The following OSBPL6 variants were observed in gnomAD, a reference collection of about 807,000 sequenced individuals.
The protein encoded by OSBPL6 is oxysterol-binding protein-related protein 6.
Under a neutral mutation model 125.8 loss-of-function variants are expected in OSBPL6, and 49 were observed. That is an observed-to-expected ratio of 0.39 (90% CI 0.31 to 0.49). The LOEUF (loss-of-function observed/expected upper bound fraction) is 0.49, where lower values mean the gene tolerates loss of function less well. Among genes scored for constraint, OSBPL6 ranks in the 20% least tolerant of loss-of-function variants. OSBPL6 has a pLI of 0.88. For missense variants in OSBPL6, 986 were observed against 1,135.4 expected, an observed-to-expected ratio of 0.87 and a Z score of 1.89; for synonymous variants, 394 against 391.8, an observed-to-expected ratio of 1.01 and a Z score of -0.07.
At chr2:178,213,333 A>G (rs2089951098) in intron 1 of OSBPL6, among the ~76,000 whole-genome samples, 1 of 152,020 alleles carries the variant, frequency 6.6e-6, no homozygotes. Context: ...TGGTTATCTT[A>G]CAGGAATTAC....
At chr2:178,295,798 T>TA (rs956725520) in intron 2 of OSBPL6, among the ~76,000 whole-genome samples, 2 of 151,948 alleles carry the variant, frequency 1.3e-5, no homozygotes, top group African/African-American at 4.8e-5. Context: ...TTAATTATAA[T>TA]AAAAAATTAA....
chr2:178,238,686 A>T (rs1376598791), intron 1 of OSBPL6, among the ~76,000 whole-genome samples: 1 of 152,192 alleles, frequency 6.6e-6, no homozygotes, highest in African/African-American at 2.4e-5. Flanking sequence ...ATGCTTAGTT[A>T]AGACAGAAAA....
At chr2:178,378,935 G>A (rs1467946055) in intron 15 of OSBPL6, among the ~76,000 whole-genome samples, 1 of 152,148 alleles carries the variant, frequency 6.6e-6, no homozygotes, top group Non-Finnish European at 1.5e-5. Context: ...GGAGGCAGAG[G>A]CAGGATGATT....
intron 1 of OSBPL6, among the ~76,000 whole-genome samples, chr2:178,240,431 C>T (rs1333022066): frequency 6.6e-6 from 1 of 151,950 alleles, no homozygotes; most frequent in East Asian, 1.9e-4. Flanking sequence ...TAGCCAGGCA[C>T]GGTGGTGCAC....
chr2:178,298,021 C>T (rs954391522), intron 2 of OSBPL6, among the ~76,000 whole-genome samples: 6 of 152,204 alleles, frequency 3.9e-5, no homozygotes, highest in Non-Finnish European at 8.8e-5. Flanking sequence ...CTTCCCATTT[C>T]CTCCTCCTTA....
At chr2:178,283,181 G>T (rs1684379567) in intron 1 of OSBPL6, among the ~76,000 whole-genome samples, 6 of 152,100 alleles carry the variant, frequency 3.9e-5, no homozygotes, top group Admixed American at 3.9e-4. Flanking sequence ...CAACACAGTA[G>T]AATTTTTTTT....
chr2:178,242,439 C>T (rs2091328809), intron 1 of OSBPL6, among the ~76,000 whole-genome samples: 2 of 152,122 alleles, frequency 1.3e-5, no homozygotes, highest in African/African-American at 2.4e-5. Context: ...CCTCCTTTCC[C>T]AGTGAATCAG....
At chr2:178,228,832 T>G (rs1378760122) in intron 1 of OSBPL6, among the ~76,000 whole-genome samples, 2 of 152,234 alleles carry the variant, frequency 1.3e-5, no homozygotes, top group Non-Finnish European at 2.9e-5. Flanking sequence ...ATAAAATTTA[T>G]AGTTGAAAAA....
Position 178,269,999 on chromosome 2 carries a change from C to T in OSBPL6, c.-350-14928C>T, listed in dbSNP as rs1384843363. On this transcript the variant is annotated intron_variant, in intron 1 of 24. Transcript: ENST00000190611. ...TACTGCTGCAGAATGTCAGGCAGGG[C>T]GGACGATAACACACTGGCTTGTTCA... is the stretch of plus-strand genomic sequence containing the variant. 2.6e-5 allele frequency among the ~76,000 whole-genome samples: 4 copies of T among 152,164 alleles called. No homozygotes were observed. The South Asian group carries it at 6.2e-4, about 24-fold the overall frequency.
At chr2:178,223,539 GA>G (rs1214847255) in intron 1 of OSBPL6, among the ~76,000 whole-genome samples, 1 of 152,168 alleles carries the variant, frequency 6.6e-6, no homozygotes. Flanking sequence ...TACAATTAAG[GA>G]AATTGTAAAA....
At chr2:178,238,914 C>T (rs994167426) in intron 1 of OSBPL6, among the ~76,000 whole-genome samples, 11 of 152,194 alleles carry the variant, frequency 7.2e-5, no homozygotes, top group African/African-American at 1.2e-4. Context: ...TCCCCTCTCC[C>T]GCCTGTTAAC....
At chr2:178,394,509 A>T in intron 24 of OSBPL6, 74 bp downstream of exon 24, 1 of 1,486,602 alleles carries the variant, frequency 6.7e-7, no homozygotes, top group Non-Finnish European at 9.1e-7. Flanking sequence ...ACTCCAGTTA[A>T]ATGAAAATAA....
chr2:178,305,092 A>C (rs1559223579), intron 2 of OSBPL6, among the ~76,000 whole-genome samples: 1 of 152,150 alleles, frequency 6.6e-6, no homozygotes, highest in African/African-American at 2.4e-5. Flanking sequence ...ACAAGCCTAC[A>C]CAAGTGTTCT....
Position 178,361,212 on chromosome 2 carries a change from A to G in OSBPL6, c.1154-470A>G, listed in dbSNP as rs115940161. Among the ~76,000 whole-genome samples the G allele has an allele frequency of 6.4e-3, 972 of 152,288 alleles. 6 individuals are homozygous for G. Among genetic ancestry groups the G allele is most frequent in the African/African-American group, 0.022 (911 of 41,562 alleles). ...AACTTCTTGATCAGCCACCTGTTTT[A>G]TGTTGGCAGAATGCATAAAATGCTC... On this transcript the variant is annotated intron_variant, in intron 12 of 24. Transcript: ENST00000190611.
At chr2:178,334,063 C>A (rs921167088) in intron 8 of OSBPL6, among the ~76,000 whole-genome samples, 3 of 152,114 alleles carry the variant, frequency 2.0e-5, no homozygotes, top group African/African-American at 4.8e-5. Context: ...AATAAGAGTT[C>A]ACTTCTGTGT....
chr2:178,383,122 A>G lies in OSBPL6; in HGVS notation c.1720A>G (p.Ile574Val), dbSNP rs1278718079. The G allele has an allele frequency of 1.2e-6, 2 of 1,614,052 alleles. No homozygotes were observed. The highest frequency in any genetic ancestry group is 1.3e-5 in the African/African-American group (1 of 74,908). ...PDTSNINLWN[I>V]LRNNIGKDLS... ...CACCAGTAACATTAACCTGTGGAAT[A>G]TCTTGAGGAACAACATTGGTAAAGA... The change falls in exon 17 of 25, where the codon ATC (isoleucine) becomes GTC (valine). Residue 574 changes from isoleucine to valine, a missense_variant. Coordinates refer to ENST00000190611, the MANE Select transcript of OSBPL6 (RefSeq NM_032523.4).
Position 178,399,256 on chromosome 2 carries a change from T to C in OSBPL6, c.*3697T>C, listed in dbSNP as rs1439460002. The C allele has an allele frequency of 6.6e-6, 1 of 152,194 alleles. No homozygotes were observed. Among genetic ancestry groups the C allele is most frequent in the Non-Finnish European group, 1.5e-5 (1 of 68,032 alleles). The allele number at this position is 152,194 out of a possible 1,614,324, so 9.4% of individuals were successfully genotyped here. ...TATAAATGGAGTTAAGATTAAAGTA[T>C]TTGGGGTTTTTTTTCCCCAAAAGCT... On this transcript the variant is annotated 3_prime_UTR_variant, in exon 25 of 25. Coordinates refer to ENST00000190611, the MANE Select transcript of OSBPL6 (RefSeq NM_032523.4).
rs543699694 is a variant in OSBPL6, at chr2:178,258,569, A to C, written c.-350-26358A>C. 1.6e-4 allele frequency among the ~76,000 whole-genome samples: 24 copies of C among 152,274 alleles called. No individual in the cohort carries two copies. The East Asian group carries it at 4.6e-3, about 29-fold the overall frequency. On this transcript the variant is annotated intron_variant, in intron 1 of 24. Coordinates refer to ENST00000190611, the MANE Select transcript of OSBPL6 (RefSeq NM_032523.4). ...CTCTCAGCCCCACGTGATGATAATG[A>C]TGGTGATTTTTAAAAATTTTTAAGA...
At chr2:178,344,042 T>G (rs1226044692) in intron 11 of OSBPL6, among the ~76,000 whole-genome samples, 1 of 152,206 alleles carries the variant, frequency 6.6e-6, no homozygotes, top group Non-Finnish European at 1.5e-5. Context: ...AGTTTATAAC[T>G]CCATCTCCTT....
Sources: allele counts gnomAD v4.1 joint callset (sites outside exome capture counted in the v4.1 genomes callset), GRCh38; gene constraint gnomAD v4.1.1; transcripts MANE v1.5; gene names NCBI Gene and HGNC (gene_info 2026-07-23, HGNC 2026-07-21).